Variants in FOXJ2 observed in about 807,000 individuals in gnomAD.
FOXJ2 encodes the protein forkhead box protein J2.
A neutral mutation model predicts 68.4 loss-of-function variants in FOXJ2; 18 were observed. The ratio of observed to expected loss-of-function variants is 0.26; its 90% CI spans 0.18 to 0.39. FOXJ2 has a LOEUF of 0.39. Among genes scored for constraint, FOXJ2 ranks in the 10% least tolerant of loss-of-function variants. The pLI is 1.00. For missense variants in FOXJ2, 670 were observed against 726.5 expected, an observed-to-expected ratio of 0.92 and a Z score of 0.89; for synonymous variants, 274 against 263.2, an observed-to-expected ratio of 1.04 and a Z score of -0.40.
rs374093064 is a variant in FOXJ2, at chr12:8,049,458, C to T, written c.1424C>T (p.Thr475Ile). The change falls in exon 9 of 11, where the codon ACT (threonine) becomes ATT (isoleucine). Residue 475 changes from threonine (T) to isoleucine (I), a missense_variant. Around this residue, in one of 2 missense-constraint regions of FOXJ2, gnomAD observed 555 missense variants for 562.2 expected, o/e 0.99. Coordinates refer to ENST00000162391, the MANE Select transcript of FOXJ2 (RefSeq NM_018416.3). The stretch of plus-strand genomic sequence containing the variant: ...TGTGACTCCCTCAACCACTTCCTTA[C>T]TCAGACTGGTCACGTGCCCCCTCAA... ...NLCDSLNHFL[T>I]QTGHVPPQGG... 6.5e-5 allele frequency: 105 copies of T among 1,614,086 alleles called. No homozygotes were observed. Among genetic ancestry groups the T allele is most frequent in the Non-Finnish European group, 8.3e-5 (98 of 1,180,042 alleles).
In FOXJ2 at chr12:8,040,847, A is replaced by G. The variant is rs1307581508; in HGVS notation, c.333+682A>G. Among the ~76,000 whole-genome samples the G allele has an allele frequency of 6.6e-6, 1 of 152,186 alleles. No homozygotes were observed. Among genetic ancestry groups the G allele is most frequent in the Admixed American group, 6.5e-5 (1 of 15,280 alleles). On this transcript the variant is annotated intron_variant, in intron 2 of 10. Transcript: ENST00000162391. This position sits in a 1 kb window ranked among gnomAD's most constrained non-coding sequence, Gnocchi z 4.0. ...TCACTCCTTCCTACCTAGAGGTAGG[A>G]GTCTAATCTAGAGCATCAGATTTCC...
intron 1 of FOXJ2, among the ~76,000 whole-genome samples, chr12:8,034,208 G>A (rs1040086062): frequency 1.3e-5 from 2 of 152,096 alleles, no homozygotes; most frequent in Non-Finnish European, 2.9e-5. Flanking sequence ...TTCACCCTTG[G>A]GCCTTTTCCC....
intron 1 of FOXJ2, among the ~76,000 whole-genome samples, chr12:8,036,791 T>C (rs1946901517): frequency 1.3e-5 from 2 of 152,136 alleles, no homozygotes; most frequent in Admixed American, 1.3e-4. Flanking sequence ...AACTGAGGCA[T>C]CAAGACTTCA....
At chr12:8,048,364 C>A in intron 7 of FOXJ2, 75 bp downstream of exon 7, 1 of 1,498,090 alleles carries the variant, frequency 6.7e-7, no homozygotes, top group South Asian at 1.4e-5. Flanking sequence ...CATGGAGGTG[C>A]AGTTAGTTAG....
rs751842483 is a variant in FOXJ2, at chr12:8,041,601, C to A, written c.334-1057C>A. On this transcript the variant is annotated intron_variant, in intron 2 of 10. Coordinates refer to ENST00000162391, the MANE Select transcript of FOXJ2 (RefSeq NM_018416.3). Reference sequence around the variant, plus strand: ...CAATCACAGCTTACTGCAGCTTGAACCTGGGCTCAAGCAATCCTTCCACCT... The same window carrying A: ...CAATCACAGCTTACTGCAGCTTGAAACTGGGCTCAAGCAATCCTTCCACCT... 2.0e-5 allele frequency among the ~76,000 whole-genome samples: 3 copies of A among 151,836 alleles called. No individual in the cohort carries two copies. In the East Asian group the frequency reaches 5.8e-4, roughly 29 times the overall value.
In FOXJ2 at chr12:8,035,222, T is replaced by C. The variant is rs561781656; in HGVS notation, c.-15+1389T>C. Among the ~76,000 whole-genome samples, 110 of 152,318 alleles carry C rather than the reference T, an allele frequency of 7.2e-4. No homozygotes were observed. The highest frequency in any genetic ancestry group is 1.2e-3 in the Admixed American group (18 of 15,302). The stretch of plus-strand genomic sequence containing the variant: ...GTATGTGTGTGGAGACAGGTACTTA[T>C]GTGCTTTTCAGACTATACTCCAGTT... On this transcript the variant is annotated intron_variant, in intron 1 of 10. Transcript: ENST00000162391. This position sits in a 1 kb window ranked among gnomAD's most constrained non-coding sequence, Gnocchi z 4.0.
rs771032207 is a variant in FOXJ2, at chr12:8,038,299, C to T, written c.-14-1520C>T. Among the ~76,000 whole-genome samples, 1 of 152,152 alleles carries T rather than the reference C, an allele frequency of 6.6e-6. No homozygotes were observed. The highest frequency in any genetic ancestry group is 1.5e-5 in the Non-Finnish European group (1 of 68,038). On this transcript the variant is annotated intron_variant, in intron 1 of 10. Coordinates refer to ENST00000162391, the MANE Select transcript of FOXJ2 (RefSeq NM_018416.3). This position sits in a 1 kb window ranked among gnomAD's most constrained non-coding sequence, Gnocchi z 5.3. ...TCACTACCTAGGATAGAAGAGGGAG[C>T]TGAGACCCTGAAGGATGTGTTGGAG...
At chr12:8,050,674 C>G in intron 10 of FOXJ2, 54 bp downstream of exon 10, 1 of 1,598,934 alleles carries the variant, frequency 6.3e-7, no homozygotes, top group South Asian at 1.1e-5. Flanking sequence ...AGTTGCTTTG[C>G]TTTCCTTTGA....
intron 1 of FOXJ2, 115 bp from the exon 2 acceptor site, chr12:8,039,704 T>C (rs1591575954): frequency 1.1e-6 from 1 of 872,024 alleles, no homozygotes; most frequent in Non-Finnish European, 1.8e-6. Flanking sequence ...TGGAAGGCCA[T>C]GCCATGGGTG....
chr12:8,040,300 A>G lies in FOXJ2; in HGVS notation c.333+135A>G. On this transcript the variant is annotated intron_variant, in intron 2 of 10. Transcript: ENST00000162391. This position sits in a 1 kb window ranked among gnomAD's most constrained non-coding sequence, Gnocchi z 4.0. ...GAGATGTGAAAACTTAAAATCTCAT[A>G]TGTTCTGCCCTCTACTTTTTTTTCA... 1.1e-6 allele frequency: 1 copy of G among 922,006 alleles called. No individual in the cohort carries two copies. The highest frequency in any genetic ancestry group is 1.6e-6 in the Non-Finnish European group (1 of 625,026). The allele number at this position is 922,006 out of a possible 1,614,324, so 57.1% of individuals were successfully genotyped here.
chr12:8,034,655 G>A (rs1373086649), intron 1 of FOXJ2, among the ~76,000 whole-genome samples: 3 of 152,176 alleles, frequency 2.0e-5, no homozygotes, highest in Admixed American at 6.5e-5. Context: ...CTCCGCTTCT[G>A]TCCAGACTTC....
chr12:8,049,735 G>C (rs1237044086), intron 9 of FOXJ2, 164 bp downstream of exon 9: 1 of 590,496 alleles, frequency 1.7e-6, no homozygotes, highest in African/African-American at 1.8e-5. Flanking sequence ...AATCAGTGAA[G>C]TCCTAAACTG....
At chr12:8,041,679 T>A (rs1946967486) in intron 2 of FOXJ2, among the ~76,000 whole-genome samples, 1 of 151,854 alleles carries the variant, frequency 6.6e-6, no homozygotes, top group Non-Finnish European at 1.5e-5. Context: ...CACAGGAACT[T>A]TTTTTTATTT....
intron 5 of FOXJ2, 80 bp from the exon 6 acceptor site, chr12:8,044,673 CAGACAGG>C: frequency 7.1e-7 from 1 of 1,407,748 alleles, no homozygotes; most frequent in Non-Finnish European, 9.9e-7. Flanking sequence ...ATGAAGAGGA[CAGACAGG>C]AGAGCCTGGT....
intron 5 of FOXJ2, among the ~76,000 whole-genome samples, chr12:8,044,393 G>A (rs1358473453): frequency 2.6e-5 from 4 of 152,180 alleles, no homozygotes; most frequent in African/African-American, 9.6e-5. Context: ...TATCCAACAT[G>A]CCAAAACCCC....
At position 8,033,185 on chromosome 12, in the gene FOXJ2, G is replaced by A; in HGVS notation, c.-663G>A. 3.6e-6 allele frequency: 1 copy of A among 278,186 alleles called. No individual in the cohort carries two copies. The highest frequency in any genetic ancestry group is 6.7e-6 in the Non-Finnish European group (1 of 150,012). 17.2% of individuals were successfully genotyped at this position (278,186 alleles called of 1,614,324 possible). A position where few individuals can be genotyped will look rare whatever the true frequency, so the allele number is the denominator to read the frequency against. On this transcript the variant is annotated 5_prime_UTR_variant, in exon 1 of 11. Coordinates refer to ENST00000162391, the MANE Select transcript of FOXJ2 (RefSeq NM_018416.3). Reference sequence around the variant, plus strand: ...TGGAAAGAAGGGAGCTTTCCGTAGGGAAGCAGAGTGAGACCACCCTAGCGC... The same window carrying A: ...TGGAAAGAAGGGAGCTTTCCGTAGGAAAGCAGAGTGAGACCACCCTAGCGC...
chr12:8,033,381 T>G lies in FOXJ2; in HGVS notation c.-467T>G, dbSNP rs1272765290. 3.3e-5 allele frequency: 5 copies of G among 153,066 alleles called. No homozygotes were observed. The Admixed American group carries it at 3.3e-4, about 10-fold the overall frequency. 9.5% of individuals were successfully genotyped at this position (153,066 alleles called of 1,614,324 possible). On this transcript the variant is annotated 5_prime_UTR_variant, in exon 1 of 11. Coordinates refer to ENST00000162391, the MANE Select transcript of FOXJ2 (RefSeq NM_018416.3). ...AAAGAAGAGGAATCGGCTTTCAGCCTTCTGGAGAGGGGAAGACCTCCCCCT... is the reference window on the plus strand; with the variant it reads ...AAAGAAGAGGAATCGGCTTTCAGCCGTCTGGAGAGGGGAAGACCTCCCCCT...
At chr12:8,045,067 AG>A in intron 6 of FOXJ2, 109 bp downstream of exon 6, 1 of 1,118,350 alleles carries the variant, frequency 8.9e-7, no homozygotes, top group Non-Finnish European at 1.3e-6. Context: ...TTTGTGAGAC[AG>A]GGTCTCACTC....
In FOXJ2 at chr12:8,038,962, C is replaced by A. The variant is rs937948668; in HGVS notation, c.-14-857C>A. Among the ~76,000 whole-genome samples, 6 of 152,146 alleles carry A rather than the reference C, an allele frequency of 3.9e-5. No homozygotes were observed. Among genetic ancestry groups the A allele is most frequent in the African/African-American group, 1.4e-4 (6 of 41,416 alleles). On this transcript the variant is annotated intron_variant, in intron 1 of 10. Transcript: ENST00000162391. This position sits in a 1 kb window ranked among gnomAD's most constrained non-coding sequence, Gnocchi z 5.3. ...TACCGGTAGGCACACAGCTGGGTGT[C>A]TCCCTGGCTCGGTGAAGCCCAGCAG...
Sources: allele counts gnomAD v4.1 joint callset (sites outside exome capture counted in the v4.1 genomes callset), GRCh38; gene constraint gnomAD v4.1.1; regional missense constraint gnomAD v4.1.1; non-coding constraint Gnocchi (gnomAD v3.1); transcripts MANE v1.5; gene names NCBI Gene and HGNC (gene_info 2026-07-23, HGNC 2026-07-21).